The following NAT1 variants were observed in gnomAD, a reference collection of about 807,000 sequenced individuals.
NAT1 encodes N-acetyltransferase 1, also known as arylamine N-acetyltransferase 1.
For missense variants in NAT1, 400 were observed against 339.2 expected, an observed-to-expected ratio of 1.18 and a Z score of -1.41; for synonymous variants, 144 against 122.6, an observed-to-expected ratio of 1.17 and a Z score of -1.16.
intron 2 of NAT1, among the ~76,000 whole-genome samples, chr8:18,197,837 A>T (rs1437550312): frequency 6.6e-6 from 1 of 151,660 alleles, no homozygotes; most frequent in Non-Finnish European, 1.5e-5. Flanking sequence ...CTGACCAATA[A>T]GACACGAAGG....
chr8:18,184,185 C>T (rs1802638351), intron 2 of NAT1, among the ~76,000 whole-genome samples: 1 of 152,176 alleles, frequency 6.6e-6, no homozygotes, highest in Non-Finnish European at 1.5e-5. Context: ...TGAAGAAATT[C>T]ATGCCTCCTC....
chr8:18,213,199 A>C (rs28359495), intron 1 of NAT1, among the ~76,000 whole-genome samples: 4,992 of 151,898 alleles, frequency 0.033, 266 homozygotes, highest in African/African-American at 0.11. Context: ...GGCGTGAGCC[A>C]TTGCACCAAG....
chr8:18,212,382 T>G (rs1804195611), intron 1 of NAT1: 1 of 152,194 alleles, frequency 6.6e-6, no homozygotes, highest in Non-Finnish European at 1.5e-5. Context: ...TTACCTTTCT[T>G]TTACACAGCT....
intron 1 of NAT1, among the ~76,000 whole-genome samples, chr8:18,214,407 A>G (rs1804424317): frequency 6.6e-6 from 1 of 152,036 alleles, no homozygotes; most frequent in Non-Finnish European, 1.5e-5. Flanking sequence ...GAATATTTGG[A>G]GCAAACTCTT....
intron 2 of NAT1, among the ~76,000 whole-genome samples, chr8:18,200,494 T>C (rs532453839): frequency 6.6e-5 from 10 of 152,114 alleles, no homozygotes; most frequent in Admixed American, 5.9e-4. Context: ...TGAGTACACA[T>C]GGACACATAA....
chr8:18,200,337 T>C (rs907138069), intron 2 of NAT1, among the ~76,000 whole-genome samples: 12 of 151,550 alleles, frequency 7.9e-5, no homozygotes, highest in Non-Finnish European at 1.3e-4. Context: ...ATATACAAAA[T>C]GGAATACTAT....
chr8:18,217,944 G>C lies in NAT1; in HGVS notation c.-85-1467G>C, dbSNP rs796975680. On this transcript the variant is annotated intron_variant, in intron 1 of 2. Coordinates refer to ENST00000307719, the MANE Select transcript of NAT1 (RefSeq NM_000662.8). ...GAGTGTATTGTTTAAGGCTAGGCAG[G>C]GGTTTCTTTGGATTTATCTCTACCT... is the stretch of plus-strand genomic sequence containing the variant. Among the ~76,000 whole-genome samples the C allele has an allele frequency of 3.3e-5, 5 of 152,268 alleles. 1 individual carries two copies. The highest frequency in any genetic ancestry group is 1.2e-4 in the African/African-American group (5 of 41,550).
chr8:18,215,235 T>C (rs1350853266), intron 1 of NAT1, among the ~76,000 whole-genome samples: 1 of 152,250 alleles, frequency 6.6e-6, no homozygotes, highest in Non-Finnish European at 1.5e-5. Context: ...GTTGATTCTG[T>C]CTTTGCTATT....
Position 18,222,095 on chromosome 8 carries a change from G to A in NAT1, c.48G>A (p.Arg16=). ...AAAGAATTGGCTATAAGAAGTCTAG[G>A]AACAAATTGGACTTGGAAACATTAA... ...YLERIGYKKS[R]NKLDLETLTD... Residue 16 remains arginine (R), a synonymous_variant, in exon 3 of 3, where the codon AGG becomes AGA. Coordinates refer to ENST00000307719, the MANE Select transcript of NAT1 (RefSeq NM_000662.8). 3 of 1,614,054 alleles carry A rather than the reference G, an allele frequency of 1.9e-6. No homozygotes were observed. The East Asian group carries it at 6.7e-5, about 36-fold the overall frequency.
chr8:18,188,954 C>A (rs1802857975), intron 2 of NAT1, among the ~76,000 whole-genome samples: 1 of 134,742 alleles, frequency 7.4e-6, no homozygotes, highest in Admixed American at 8.4e-5. Flanking sequence ...CAGATTGTCC[C>A]ACTGCACTCC....
At chr8:18,186,289 T>G (rs1470265702) in intron 2 of NAT1, among the ~76,000 whole-genome samples, 1 of 152,204 alleles carries the variant, frequency 6.6e-6, no homozygotes, top group Non-Finnish European at 1.5e-5. Context: ...ACTGTATGAT[T>G]GTACATCTAG....
At chr8:18,193,278 C>G (rs1385415209) in intron 2 of NAT1, among the ~76,000 whole-genome samples, 1 of 148,834 alleles carries the variant, frequency 6.7e-6, no homozygotes, top group African/African-American at 2.5e-5. Context: ...ATGGGGTTTC[C>G]CTGTGTTGGT....
chr8:18,189,180 G>A (rs1054662477), intron 2 of NAT1, among the ~76,000 whole-genome samples: 2 of 151,970 alleles, frequency 1.3e-5, no homozygotes, highest in Non-Finnish European at 2.9e-5. Context: ...TCCTTGGGTA[G>A]CATTAGGGGT....
chr8:18,171,133 T>C (rs907955482), intron 2 of NAT1, among the ~76,000 whole-genome samples: 1 of 152,190 alleles, frequency 6.6e-6, no homozygotes, highest in Non-Finnish European at 1.5e-5. Flanking sequence ...GACCCAGTCC[T>C]ACAGGGAGGC....
intron 2 of NAT1, among the ~76,000 whole-genome samples, chr8:18,178,318 A>G (rs1353163166): frequency 1.3e-5 from 2 of 152,182 alleles, no homozygotes; most frequent in African/African-American, 4.8e-5. Context: ...GCTGGTCTTC[A>G]GAATATTAAG....
At chr8:18,187,211 G>A (rs1043855138) in intron 2 of NAT1, among the ~76,000 whole-genome samples, 2 of 152,116 alleles carry the variant, frequency 1.3e-5, no homozygotes, top group East Asian at 1.9e-4. Flanking sequence ...ACATGCTGGC[G>A]AGGCTGTGGA....
intron 1 of NAT1, 150 bp from the exon 2 acceptor site, chr8:18,219,261 A>C (rs1203339640): frequency 8.6e-6 from 5 of 583,972 alleles, no homozygotes; most frequent in Admixed American, 3.2e-5. Flanking sequence ...ACACACTTAT[A>C]CAACTCAAAT....
intron 2 of NAT1, among the ~76,000 whole-genome samples, chr8:18,198,154 T>C (rs926381411): frequency 2.2e-5 from 2 of 90,450 alleles, no homozygotes; most frequent in African/African-American, 1.2e-4. Flanking sequence ...GCAGAGACTT[T>C]CCAATCTAGG....
chr8:18,208,313 G>A (rs532704224), upstream of NAT1, among the ~76,000 whole-genome samples: 16 of 152,108 alleles, frequency 1.1e-4, no homozygotes, highest in Admixed American at 3.9e-4. Context: ...AAAAAAGGAA[G>A]TAAAAAATAA....
Sources: allele counts gnomAD v4.1 joint callset (sites outside exome capture counted in the v4.1 genomes callset), GRCh38; gene constraint gnomAD v4.1.1; transcripts MANE v1.5; gene names NCBI Gene and HGNC (gene_info 2026-07-23, HGNC 2026-07-21).